Variants in MYL5 observed in about 807,000 individuals in gnomAD.
MYL5 encodes the protein myosin regulatory light chain 5.
MYL5 carries 28 observed loss-of-function variants against 20.8 expected under a neutral mutation model. That is an observed-to-expected ratio of 1.35 (90% CI 1.00 to 1.84). The LOEUF (loss-of-function observed/expected upper bound fraction) is 1.84. Ranked by LOEUF, MYL5 falls within the 40% of genes most tolerant of loss-of-function variation. The pLI, the probability that MYL5 is intolerant of heterozygous loss-of-function variation, is 0.00. For missense variants in MYL5, 274 were observed against 227.3 expected, an observed-to-expected ratio of 1.21 and a Z score of -1.32; for synonymous variants, 118 against 87.4, an observed-to-expected ratio of 1.35 and a Z score of -1.95.
intron 1 of MYL5, 173 bp downstream of exon 3, chr4:678,202 G>T: frequency 6.6e-7 from 1 of 1,518,152 alleles, no homozygotes; most frequent in South Asian, 1.3e-5. Flanking sequence ...GTGCGTGTGT[G>T]TGACCTTGCG....
At chr4:681,296 G>A (rs901960592) in intron 6 of MYL5, among the ~76,000 whole-genome samples, 156 bp downstream of exon 8, 6 of 152,138 alleles carry the variant, frequency 3.9e-5, no homozygotes, top group Admixed American at 2.6e-4. Context: ...CCCGTCTGAG[G>A]GACGGAACTG....
At chr4:681,209 G>A in intron 6 of MYL5, 69 bp downstream of exon 8, 1 of 1,544,280 alleles carries the variant, frequency 6.5e-7, no homozygotes, top group South Asian at 1.2e-5. Flanking sequence ...GCTGGGTGGA[G>A]GGGGACGCGG....
At position 680,723 on chromosome 4, in the gene MYL5, C is replaced by T. The variant is rs1045237382; in HGVS notation, c.371+136C>T. 1.6e-5 allele frequency: 14 copies of T among 889,794 alleles called. No homozygotes were observed. In the East Asian group the frequency reaches 2.1e-4, roughly 13 times the overall value. 55.1% of individuals were successfully genotyped at this position (889,794 alleles called of 1,614,324 possible). On this transcript the variant is annotated intron_variant, in intron 5 of 6. Coordinates refer to ENST00000400159, the Ensembl canonical transcript of MYL5. The stretch of plus-strand genomic sequence containing the variant: ...TGACCAGCTTCAGGGCCATGAGGAG[C>T]GAACCCAGGATCCCAGCTGAGTGGG...
At chr4:680,145 CCAA>C in intron 4 of MYL5, 127 bp downstream of exon 6, 1 of 969,170 alleles carries the variant, frequency 1.0e-6, no homozygotes, top group East Asian at 2.7e-5. Context: ...ACTCTGGGAG[CCAA>C]CAACTGTGGG....
At chr4:675,330 T>G (rs1007333084), upstream of MYL5, 5 of 152,488 alleles carry the variant, frequency 3.3e-5, no homozygotes, top group African/African-American at 1.2e-4. Flanking sequence ...CTGCCCGTGC[T>G]GGGCCACCCT....
At chr4:680,039 C>T in intron 4 of MYL5, 21 bp downstream of exon 6, 2 of 1,560,936 alleles carry the variant, frequency 1.3e-6, no homozygotes, top group African/African-American at 2.7e-5. Flanking sequence ...GTGGGGCAGG[C>T]CTGGCCCTCC....
At chr4:680,960 G>A in intron 5 of MYL5, 132 bp from the exon 8 acceptor site, 4 of 1,040,066 alleles carry the variant, frequency 3.8e-6, no homozygotes, top group Non-Finnish European at 5.7e-6. Context: ...CTGCCCCAGG[G>A]CCACACTCCA....
At chr4:679,627 T>A (rs1440109043) in intron 3 of MYL5, among the ~76,000 whole-genome samples, 3 of 152,170 alleles carry the variant, frequency 2.0e-5, no homozygotes, top group Admixed American at 6.5e-5. Context: ...CACCTTCCTC[T>A]CGGCCCTGCT....
At chr4:674,626 C>T, upstream of MYL5, 1 of 312,240 alleles carries the variant, frequency 3.2e-6, no homozygotes, top group Admixed American at 5.3e-5. Context: ...GTGTCCACAC[C>T]CCAGACTGCG....
At chr4:677,552 G>T (rs1738971215), upstream of MYL5, among the ~76,000 whole-genome samples, 1 of 152,210 alleles carries the variant, frequency 6.6e-6, no homozygotes, top group Admixed American at 6.5e-5. Flanking sequence ...GGCAGGGAGG[G>T]GCGTGGACAC....
At chr4:681,285 G>GC (rs1272153366) in intron 6 of MYL5, 145 bp downstream of exon 8, 1 of 937,390 alleles carries the variant, frequency 1.1e-6, no homozygotes, top group African/African-American at 1.7e-5. Context: ...CTCCCGAAGT[G>GC]CCCGTCTGAG....
intron 5 of MYL5, 21 bp from the exon 8 acceptor site, chr4:681,071 G>A (rs780896531): frequency 1.0e-5 from 16 of 1,588,240 alleles, no homozygotes. Flanking sequence ...AGCCCGCGCT[G>A]ACCCCTTTCC....
chr4:681,892 G>C lies in MYL5; in HGVS notation c.421-1G>C, dbSNP rs745471345. ...AGGAGCCCTTTCGCCCCCGCCCGCA[G>C]GTGGACCAGATGTTCCAGTTCGCCT... On this transcript the variant is annotated splice_acceptor_variant, in intron 6 of 6. Coordinates refer to ENST00000400159, the Ensembl canonical transcript of MYL5. LOFTEE classifies it high-confidence loss of function. 1 of 1,315,224 alleles carries C rather than the reference G, an allele frequency of 7.6e-7. No homozygotes were observed. Among genetic ancestry groups the C allele is most frequent in the Non-Finnish European group, 9.8e-7 (1 of 1,022,660 alleles). The allele number at this position is 1,315,224 out of a possible 1,614,324, so 81.5% of individuals were successfully genotyped here.
chr4:680,993 G>C, intron 5 of MYL5, 99 bp from the exon 8 acceptor site: 2 of 1,336,682 alleles, frequency 1.5e-6, no homozygotes, highest in Non-Finnish European at 1.0e-6. Flanking sequence ...GGAGTGCAGT[G>C]AGCGAGTACA....
chr4:676,146 A>G (rs1738816407), upstream of MYL5: 1 of 152,262 alleles, frequency 6.6e-6, no homozygotes, highest in Admixed American at 6.5e-5. Context: ...CACTGGATCC[A>G]CAAGGCACAG....
chr4:679,817 T>A (rs1739262847), intron 3 of MYL5, 97 bp from the exon 6 acceptor site: 639 of 769,542 alleles, frequency 8.3e-4, no homozygotes, highest in East Asian at 1.5e-3. Context: ...CTCCCCACCC[T>A]TCCCATCTGC....
chr4:680,388 G>T, intron 4 of MYL5, 121 bp from the exon 7 acceptor site: 1 of 1,064,858 alleles, frequency 9.4e-7, no homozygotes, highest in Non-Finnish European at 1.4e-6. Context: ...AGGCCACCTT[G>T]TGGGCAGAGG....
At chr4:678,091 G>A in intron 1 of MYL5, 62 bp downstream of exon 3, 1 of 1,599,590 alleles carries the variant, frequency 6.3e-7, no homozygotes, top group African/African-American at 1.4e-5. Context: ...CTGTGCATGT[G>A]TACATGCGCA....
At chr4:681,977 G>A (rs1341541942) in exon 7 of MYL5, 1 of 1,398,162 alleles carries the variant, frequency 7.2e-7, no homozygotes, top group Non-Finnish European at 9.4e-7. Flanking sequence ...CACCCACGGG[G>A]AGGAGAAGGA....
Sources: allele counts gnomAD v4.1 joint callset (sites outside exome capture counted in the v4.1 genomes callset), GRCh38; gene constraint gnomAD v4.1.1; transcripts MANE v1.5; gene names NCBI Gene and HGNC (gene_info 2026-07-23, HGNC 2026-07-21).